SLC24A1: variants seen among roughly 807,000 people sequenced by gnomAD.
SLC24A1 encodes solute carrier family 24 member 1, also known as sodium/potassium/calcium exchanger 1.
A neutral mutation model predicts 88.1 loss-of-function variants in SLC24A1; 52 were observed. The observed-to-expected ratio is 0.59, with a 90% CI of 0.47 to 0.74. SLC24A1 has a LOEUF of 0.74. SLC24A1 is among the 30% of genes least tolerant of loss of function. The pLI is 0.00. For missense variants in SLC24A1, 1,173 were observed against 1,363.3 expected (o/e 0.86, Z 2.20); for synonymous variants, 455 against 498.0 (o/e 0.91, Z 1.15).
chr15:65,648,121 G>A (rs1286728088), intron 6 of SLC24A1, among the ~76,000 whole-genome samples: 1 of 152,180 alleles, frequency 6.6e-6, no homozygotes, highest in African/African-American at 2.4e-5. Context: ...TTAGCCAGGT[G>A]TGGTGGCACA....
intron 8 of SLC24A1, 102 bp from the exon 9 acceptor site, chr15:65,652,540 T>G: frequency 1.9e-6 from 2 of 1,061,392 alleles, no homozygotes; most frequent in Non-Finnish European, 1.4e-6. Flanking sequence ...GGGGTGTGGC[T>G]GAGCTCCTTA....
chr15:65,654,684 A>C lies in SLC24A1; in HGVS notation c.*605A>C, dbSNP rs759858538. On this transcript the variant is annotated 3_prime_UTR_variant, in exon 10 of 10. Coordinates refer to ENST00000261892, the MANE Select transcript of SLC24A1 (RefSeq NM_004727.3). ...CATTCCACGTTTTGTAGCCCACTGC[A>C]TCTGGATATATACCAGTATTTTCTT... 1 of 1,273,040 alleles carries C rather than the reference A, an allele frequency of 7.9e-7. No homozygotes were observed. Among genetic ancestry groups the C allele is most frequent in the South Asian group, 1.3e-5 (1 of 77,602 alleles). 78.9% of individuals were successfully genotyped at this position (1,273,040 alleles called of 1,614,324 possible). A position where few individuals can be genotyped will look rare whatever the true frequency, so the allele number is the denominator to read the frequency against.
chr15:65,643,360 A>G (rs1374810939), intron 4 of SLC24A1, among the ~76,000 whole-genome samples: 1 of 152,186 alleles, frequency 6.6e-6, no homozygotes. Flanking sequence ...ATGGATCCTC[A>G]TCACATCAGT....
At chr15:65,620,920 T>A (rs2074299020), upstream of SLC24A1, among the ~76,000 whole-genome samples, 1 of 152,148 alleles carries the variant, frequency 6.6e-6, no homozygotes, top group South Asian at 2.1e-4. Flanking sequence ...GGCAAGGACA[T>A]GTAACTAGCA....
Position 65,624,923 on chromosome 15 carries a change from GT to G in SLC24A1, c.846del (p.Arg285GlufsTer14). ...GGAGCGTCATGGAAAAAAACAACCT[GT>G]TTCCCCCCAGAAGAGTGGAAAGTAA... is the stretch of plus-strand genomic sequence containing the variant. ...PRSVMEKNNL[F>X]PPRRVESNSS... On this transcript the variant is annotated frameshift_variant, in exon 2 of 10. Transcript: ENST00000261892. LOFTEE classifies it high-confidence loss of function. The G allele has an allele frequency of 1.2e-6, 2 of 1,613,252 alleles. No individual in the cohort carries two copies. Among genetic ancestry groups the G allele is most frequent in the Non-Finnish European group, 1.7e-6 (2 of 1,179,660 alleles).
rs1463350443 is a variant in SLC24A1 at position 65,656,246 on chromosome 15, A to T, written c.*2167A>T. On this transcript the variant is annotated 3_prime_UTR_variant, in exon 10 of 10. Transcript: ENST00000261892. ...AATATCCACTGAATGATTAAAACCA[A>T]CTCTAATAATCTGACATCCTTTTCC... 1 of 985,082 alleles carries T rather than the reference A, an allele frequency of 1.0e-6. No homozygotes were observed. Among genetic ancestry groups the T allele is most frequent in the East Asian group, 1.1e-4 (1 of 8,822 alleles). The allele number at this position is 985,082 out of a possible 1,614,324, so 61.0% of individuals were successfully genotyped here.
At chr15:65,626,856 T>A (rs1427854309) in intron 2 of SLC24A1, among the ~76,000 whole-genome samples, 1 of 152,156 alleles carries the variant, frequency 6.6e-6, no homozygotes, top group Non-Finnish European at 1.5e-5. Flanking sequence ...CATTCCAAGT[T>A]TTTTGTTCCT....
downstream of SLC24A1, among the ~76,000 whole-genome samples, chr15:65,657,766 G>A (rs1250610055): frequency 6.6e-6 from 1 of 152,232 alleles, no homozygotes; most frequent in East Asian, 1.9e-4. Flanking sequence ...AATGTGTACG[G>A]GGACTGGATG....
At chr15:65,645,166 G>T (rs771676685) in intron 5 of SLC24A1, among the ~76,000 whole-genome samples, 3 of 152,204 alleles carry the variant, frequency 2.0e-5, no homozygotes, top group Non-Finnish European at 4.4e-5. Context: ...AGAAGTGAGA[G>T]AACCTGTACC....
intron 7 of SLC24A1, 30 bp from the exon 8 acceptor site, chr15:65,651,640 A>T (rs1566966554): frequency 1.7e-6 from 2 of 1,188,704 alleles, no homozygotes; most frequent in South Asian, 1.2e-5. Context: ...TCTACAGCTT[A>T]CTTCTTGTCC....
intron 2 of SLC24A1, among the ~76,000 whole-genome samples, chr15:65,629,089 C>T (rs1006185970): frequency 2.6e-5 from 4 of 152,168 alleles, no homozygotes; most frequent in African/African-American, 9.7e-5. Flanking sequence ...GGAATGGCCA[C>T]GTGGTATTTT....
chr15:65,646,567 C>T lies in SLC24A1; in HGVS notation c.2232+864C>T, dbSNP rs187654115. ...TCCAAATCTGAATGCCCCTGGTGCT[C>T]TGCACCTATCCCAGGGCTTTTACCA... On this transcript the variant is annotated intron_variant, in intron 6 of 9. Transcript: ENST00000261892. Among the ~76,000 whole-genome samples the T allele has an allele frequency of 1.1e-3, 168 of 150,288 alleles. 1 individual carries two copies. Among genetic ancestry groups the T allele is most frequent in the African/African-American group, 3.8e-3 (156 of 40,912 alleles).
chr15:65,656,035 G>A lies in SLC24A1; in HGVS notation c.*1956G>A. Reference sequence around the variant, plus strand: ...CATAGCCAAGGCCTAAGAACAGGAGGAGAAGGCAATGCTTGTGGGAGGGAG... The same window carrying A: ...CATAGCCAAGGCCTAAGAACAGGAGAAGAAGGCAATGCTTGTGGGAGGGAG... On this transcript the variant is annotated 3_prime_UTR_variant, in exon 10 of 10. Coordinates refer to ENST00000261892, the MANE Select transcript of SLC24A1 (RefSeq NM_004727.3). 1 of 985,394 alleles carries A rather than the reference G, an allele frequency of 1.0e-6. No homozygotes were observed. The highest frequency in any genetic ancestry group is 1.7e-5 in the African/African-American group (1 of 57,338). The allele number at this position is 985,394 out of a possible 1,614,324, so 61.0% of individuals were successfully genotyped here.
At chr15:65,616,900 G>T (rs1263240856) in intron 2 of SLC24A1, among the ~76,000 whole-genome samples, 1 of 152,134 alleles carries the variant, frequency 6.6e-6, no homozygotes, top group East Asian at 1.9e-4. Context: ...ATTAATTTTT[G>T]TATAAGGTGT....
At chr15:65,638,295 G>C (rs757824005) in intron 3 of SLC24A1, 114 bp downstream of exon 3, 2 of 771,504 alleles carry the variant, frequency 2.6e-6, no homozygotes, top group African/African-American at 3.4e-5. Flanking sequence ...TCAGGCCTAG[G>C]AAACTCCTGG....
At chr15:65,639,374 C>T (rs1281022429) in intron 3 of SLC24A1, among the ~76,000 whole-genome samples, 2 of 152,148 alleles carry the variant, frequency 1.3e-5, no homozygotes, top group Non-Finnish European at 2.9e-5. Context: ...GGAAATTATT[C>T]AGTACCTAAA....
chr15:65,643,160 A>G (rs530784949), intron 4 of SLC24A1, among the ~76,000 whole-genome samples: 15 of 152,316 alleles, frequency 9.8e-5, no homozygotes, highest in African/African-American at 3.6e-4. Flanking sequence ...CCAACTCTGG[A>G]AGATTTTACA....
At chr15:65,644,298 C>A in intron 4 of SLC24A1, 129 bp from the exon 5 acceptor site, 1 of 714,542 alleles carries the variant, frequency 1.4e-6, no homozygotes, top group Non-Finnish European at 2.6e-6. Flanking sequence ...ATGTCACAAC[C>A]CCCATGGCAG....
chr15:65,652,837 T>A (rs748297141), intron 9 of SLC24A1, 29 bp downstream of exon 9: 1 of 1,549,936 alleles, frequency 6.5e-7, no homozygotes, highest in Admixed American at 1.8e-5. Flanking sequence ...TTCTAAGGGG[T>A]GTTAAGTATG....
Sources: allele counts gnomAD v4.1 joint callset (sites outside exome capture counted in the v4.1 genomes callset), GRCh38; gene constraint gnomAD v4.1.1; transcripts MANE v1.5; gene names NCBI Gene and HGNC (gene_info 2026-07-23, HGNC 2026-07-21).